Variants in PALLD observed in about 807,000 individuals in gnomAD.
The protein encoded by PALLD is palladin, cytoskeletal associated protein.
A neutral mutation model predicts 123.5 loss-of-function variants in PALLD; 61 were observed. That is an observed-to-expected ratio of 0.49 (90% confidence interval 0.40 to 0.61). The LOEUF is 0.61. Among genes scored for constraint, PALLD ranks in the 20% least tolerant of loss-of-function variants. PALLD has a pLI of 0.00. For synonymous variants in PALLD, 465 were observed against 496.4 expected (o/e 0.94, Z 0.84); for missense variants, 1,273 against 1,377.0 (o/e 0.92, Z 1.20).
chr4:168,800,592 T>G (rs1371142757), intron 10 of PALLD, among the ~76,000 whole-genome samples: 1 of 152,168 alleles, frequency 6.6e-6, no homozygotes. Context: ...GGCAAAAATT[T>G]AAGCCTGATA....
intron 2 of PALLD, among the ~76,000 whole-genome samples, chr4:168,600,015 ATG>A (rs1221468060): frequency 1.4e-5 from 2 of 147,852 alleles, no homozygotes; most frequent in African/African-American, 5.3e-5. Flanking sequence ...ATATACATAC[ATG>A]TGTGTACACA....
At chr4:168,906,288 A>G (rs908875562) in intron 15 of PALLD, among the ~76,000 whole-genome samples, 14 of 152,232 alleles carry the variant, frequency 9.2e-5, no homozygotes, top group African/African-American at 3.4e-4. Flanking sequence ...TTATAGAACA[A>G]AAGAACATAA....
At chr4:168,734,676 C>T (rs1039834636) in intron 10 of PALLD, among the ~76,000 whole-genome samples, 1 of 152,110 alleles carries the variant, frequency 6.6e-6, no homozygotes, top group Non-Finnish European at 1.5e-5. Flanking sequence ...GTACAATATT[C>T]TATTAAAAAA....
intron 10 of PALLD, among the ~76,000 whole-genome samples, chr4:168,868,594 C>T (rs754556881): frequency 1.3e-5 from 2 of 152,200 alleles, no homozygotes; most frequent in African/African-American, 4.8e-5. Context: ...CTTCACAACA[C>T]TTGAAAAATG....
intron 10 of PALLD, among the ~76,000 whole-genome samples, chr4:168,831,263 C>CT: frequency 6.6e-6 from 1 of 152,250 alleles, no homozygotes; most frequent in East Asian, 1.9e-4. Context: ...AGTCCAGTTC[C>CT]TCTTTGAAAA....
At chr4:168,842,038 A>G (rs1309728392) in intron 10 of PALLD, among the ~76,000 whole-genome samples, 2 of 152,234 alleles carry the variant, frequency 1.3e-5, no homozygotes, top group African/African-American at 4.8e-5. Flanking sequence ...TGAAGACTGA[A>G]TATCTTGAAA....
Position 168,502,395 on chromosome 4 carries a change from CT to C in PALLD, c.-83+5209del, listed in dbSNP as rs1456223416. 2.6e-5 allele frequency among the ~76,000 whole-genome samples: 4 copies of C among 151,930 alleles called. No homozygotes were observed. The South Asian group carries it at 6.2e-4, about 24-fold the overall frequency. On this transcript the variant is annotated intron_variant, in intron 1 of 21. Coordinates refer to ENST00000505667, the MANE Select transcript of PALLD (RefSeq NM_001166108.2). Reference sequence around the variant, plus strand: ...ACTGACATCCACGTCTTTATAGATACTTTTTTTTAACACAATGTCTGACCTA... The same window carrying C: ...ACTGACATCCACGTCTTTATAGATACTTTTTTTAACACAATGTCTGACCTA...
intron 11 of PALLD, 54 bp downstream of exon 11, chr4:168,891,111 C>T: frequency 6.4e-7 from 1 of 1,552,678 alleles, no homozygotes; most frequent in East Asian, 2.2e-5. Flanking sequence ...ACATACCTTT[C>T]TTCCTTTCTC....
chr4:168,758,834 A>G (rs1410110989), intron 10 of PALLD, among the ~76,000 whole-genome samples: 1 of 151,932 alleles, frequency 6.6e-6, no homozygotes, highest in Non-Finnish European at 1.5e-5. Context: ...TGCTAGACTC[A>G]CAGATCCATG....
At chr4:168,668,395 G>C in intron 3 of PALLD, 27 bp downstream of exon 3, 2 of 1,565,456 alleles carry the variant, frequency 1.3e-6, no homozygotes, top group Non-Finnish European at 1.7e-6. Context: ...GGTAATGGGG[G>C]ATAAAGGGGT....
At chr4:168,715,119 G>T (rs1402109760) in intron 10 of PALLD, among the ~76,000 whole-genome samples, 1 of 152,182 alleles carries the variant, frequency 6.6e-6, no homozygotes, top group Non-Finnish European at 1.5e-5. Flanking sequence ...CTCTCATAAA[G>T]TAGGGGTTCC....
chr4:168,761,025 C>T (rs959168128), intron 10 of PALLD, among the ~76,000 whole-genome samples: 2 of 152,146 alleles, frequency 1.3e-5, no homozygotes, highest in African/African-American at 4.8e-5. Context: ...TGTTCTCAGT[C>T]GTTCTTGCAA....
At chr4:168,643,388 G>A (rs974162677) in intron 2 of PALLD, among the ~76,000 whole-genome samples, 2 of 152,170 alleles carry the variant, frequency 1.3e-5, no homozygotes, top group Non-Finnish European at 2.9e-5. Flanking sequence ...AATGTTAACA[G>A]TTATCACAGC....
At chr4:168,881,145 T>C (rs1752554301) in intron 10 of PALLD, among the ~76,000 whole-genome samples, 1 of 152,184 alleles carries the variant, frequency 6.6e-6, no homozygotes, top group African/African-American at 2.4e-5. Context: ...CCTCAGGTGA[T>C]CCGCCTGCCT....
intron 2 of PALLD, among the ~76,000 whole-genome samples, chr4:168,634,055 CT>C (rs1357140955): frequency 4.6e-5 from 7 of 152,188 alleles, no homozygotes; most frequent in Admixed American, 4.6e-4. Context: ...TTTGTTTATG[CT>C]CAGAACAAGC....
intron 2 of PALLD, among the ~76,000 whole-genome samples, chr4:168,564,172 T>C (rs150272068): frequency 3.6e-4 from 55 of 152,318 alleles, no homozygotes; most frequent in African/African-American, 1.3e-3. Context: ...CACAGGGAAT[T>C]CACTCAACAG....
intron 10 of PALLD, among the ~76,000 whole-genome samples, chr4:168,740,668 T>C (rs552543543): frequency 9.2e-5 from 14 of 152,148 alleles, no homozygotes; most frequent in Admixed American, 9.2e-4. Context: ...ATGGAAAACA[T>C]TAATTTAAAA....
intron 10 of PALLD, among the ~76,000 whole-genome samples, chr4:168,859,246 C>T (rs570921456): frequency 1.3e-5 from 2 of 152,324 alleles, no homozygotes; most frequent in East Asian, 3.9e-4. Context: ...ACAGCTTCCT[C>T]CCCATGACTG....
At chr4:168,823,505 C>A (rs921336765) in intron 10 of PALLD, among the ~76,000 whole-genome samples, 6 of 151,812 alleles carry the variant, frequency 4.0e-5, no homozygotes, top group Admixed American at 3.9e-4. Flanking sequence ...CGTGGTGAGA[C>A]CCTGTCTCTA....
Sources: gnomAD v4.1 joint callset for allele counts (sites outside exome capture counted in the v4.1 genomes callset) on GRCh38, gnomAD v4.1.1 for gene constraint, MANE v1.5 for transcripts, NCBI Gene and HGNC (gene_info 2026-07-23, HGNC 2026-07-21) for gene names.